The following HIKESHI variants were observed in gnomAD, a reference collection of about 807,000 sequenced individuals.
HIKESHI encodes the protein heat shock protein nuclear import factor hikeshi, also known as protein Hikeshi.
HIKESHI carries 13 observed loss-of-function variants against 25.7 expected under a neutral mutation model. That is an observed-to-expected ratio of 0.51 (90% confidence interval 0.33 to 0.80). HIKESHI has a LOEUF of 0.80. Among genes scored for constraint, HIKESHI ranks in the 30% least tolerant of loss-of-function variants. The pLI is 0.02. For missense variants in HIKESHI, 174 were observed against 229.5 expected (o/e 0.76, Z 1.56); for synonymous variants, 76 against 78.7 (o/e 0.97, Z 0.18).
At chr11:86,314,465 A>G (rs1946920034) in intron 2 of HIKESHI, among the ~76,000 whole-genome samples, 2 of 152,116 alleles carry the variant, frequency 1.3e-5, no homozygotes, top group Non-Finnish European at 1.5e-5. Flanking sequence ...AATACAAAAA[A>G]TTAGCCAGGC....
At chr11:86,325,802 G>A (rs2138366421) in intron 2 of HIKESHI, among the ~76,000 whole-genome samples, 1 of 152,144 alleles carries the variant, frequency 6.6e-6, no homozygotes, top group South Asian at 2.1e-4. Flanking sequence ...AACCCGGGAG[G>A]CGGAGGTTGC....
intron 4 of HIKESHI, chr11:86,344,961 T>C: frequency 3.7e-6 from 2 of 540,714 alleles, no homozygotes; most frequent in Non-Finnish European, 3.0e-6. Context: ...GCCTATGTTT[T>C]AGGGACCACT....
At chr11:86,306,615 TA>T (rs966662820) in intron 2 of HIKESHI, 133 bp downstream of exon 2, 22 of 590,748 alleles carry the variant, frequency 3.7e-5, no homozygotes, top group African/African-American at 3.4e-4. Flanking sequence ...CATTGTTTTT[TA>T]AAAAAGACAA....
intron 3 of HIKESHI, among the ~76,000 whole-genome samples, chr11:86,338,402 C>T (rs1947626441): frequency 1.4e-5 from 2 of 142,910 alleles, no homozygotes; most frequent in South Asian, 2.1e-4. Context: ...TGGAGGTGTT[C>T]ACTTTAGACA....
chr11:86,310,860 A>G (rs1946815992), intron 2 of HIKESHI, among the ~76,000 whole-genome samples: 1 of 152,210 alleles, frequency 6.6e-6, no homozygotes, highest in African/African-American at 2.4e-5. Context: ...ATGATGGATT[A>G]CATTTATTGA....
At chr11:86,310,195 T>C (rs1426022900) in intron 2 of HIKESHI, among the ~76,000 whole-genome samples, 1 of 148,094 alleles carries the variant, frequency 6.8e-6, no homozygotes, top group Non-Finnish European at 1.5e-5. Context: ...GTCCTATCCA[T>C]GAGCATGGAA....
intron 2 of HIKESHI, among the ~76,000 whole-genome samples, chr11:86,332,703 CT>C (rs1306970032): frequency 2.0e-5 from 3 of 152,176 alleles, no homozygotes; most frequent in Non-Finnish European, 4.4e-5. Context: ...AGTTGGCAAA[CT>C]TTTTTGTGAA....
At chr11:86,337,728 GCTGA>G (rs1947608992) in intron 3 of HIKESHI, among the ~76,000 whole-genome samples, 198 bp downstream of exon 3, 1 of 152,174 alleles carries the variant, frequency 6.6e-6, no homozygotes, top group Non-Finnish European at 1.5e-5. Flanking sequence ...CGCAATCTCG[GCTGA>G]CTGCAATTTC....
chr11:86,336,611 G>A (rs769323440), intron 2 of HIKESHI, among the ~76,000 whole-genome samples: 4 of 152,084 alleles, frequency 2.6e-5, no homozygotes, highest in South Asian at 2.1e-4. Flanking sequence ...ATAAATTTCC[G>A]ATGTTTATAA....
At chr11:86,326,529 T>C (rs1479239014) in intron 2 of HIKESHI, 1 of 456,234 alleles carries the variant, frequency 2.2e-6, no homozygotes, top group Non-Finnish European at 4.4e-6. Context: ...ATTGAACATC[T>C]ACTTGCTGCC....
intron 2 of HIKESHI, among the ~76,000 whole-genome samples, chr11:86,327,741 G>A (rs1422793801): frequency 6.6e-6 from 1 of 152,262 alleles, no homozygotes; most frequent in East Asian, 1.9e-4. Context: ...TGGCAATACT[G>A]TACTTTAATT....
intron 2 of HIKESHI, among the ~76,000 whole-genome samples, chr11:86,335,489 G>A (rs183536476): frequency 1.4e-4 from 21 of 152,214 alleles, no homozygotes; most frequent in Middle Eastern, 3.4e-3. Context: ...GGAAAGACCC[G>A]CGAAGACCCA....
At chr11:86,302,587 T>C in intron 1 of HIKESHI, 109 bp downstream of exon 1, 2 of 1,311,836 alleles carry the variant, frequency 1.5e-6, no homozygotes, top group Non-Finnish European at 1.1e-6. Context: ...CCACTTATTA[T>C]ATTTTGGGTG....
At chr11:86,309,926 C>G (rs1946788353) in intron 2 of HIKESHI, among the ~76,000 whole-genome samples, 2 of 151,800 alleles carry the variant, frequency 1.3e-5, no homozygotes, top group African/African-American at 4.8e-5. Flanking sequence ...TTCCATTGGT[C>G]TATATCTCTG....
At chr11:86,303,346 T>C in intron 1 of HIKESHI, 1 of 907,944 alleles carries the variant, frequency 1.1e-6, no homozygotes, top group Non-Finnish European at 1.3e-6. Context: ...TTGTATTCTG[T>C]ACATATACAG....
chr11:86,322,441 A>ATG (rs978968877), intron 2 of HIKESHI, among the ~76,000 whole-genome samples: 34 of 151,632 alleles, frequency 2.2e-4, no homozygotes, highest in African/African-American at 4.3e-4. Flanking sequence ...GTATATGTAT[A>ATG]TGTGTGTGTG....
intron 3 of HIKESHI, among the ~76,000 whole-genome samples, chr11:86,338,188 A>G: frequency 6.6e-6 from 1 of 151,506 alleles, no homozygotes; most frequent in Non-Finnish European, 1.5e-5. Context: ...CTTCCCCTCC[A>G]CTCTTCAACC....
chr11:86,337,276 C>T, intron 2 of HIKESHI, 103 bp from the exon 3 acceptor site: 1 of 1,132,966 alleles, frequency 8.8e-7, no homozygotes, highest in Non-Finnish European at 1.2e-6. Context: ...GGACATAAAA[C>T]TTTTTCATGT....
rs368971339 is a variant in HIKESHI, at chr11:86,302,243, G to A, written c.-206G>A. 2 of 598,262 alleles carry A rather than the reference G, an allele frequency of 3.3e-6. No individual in the cohort carries two copies. The allele number at this position is 598,262 out of a possible 1,614,324, so 37.1% of individuals were successfully genotyped here. Reference sequence around the variant, plus strand: ...GGTGTAAGCCCCGGAAGTACTTGTTGCCTGAGCAGTGGGCTGCTTAGGAAG... The same window carrying A: ...GGTGTAAGCCCCGGAAGTACTTGTTACCTGAGCAGTGGGCTGCTTAGGAAG... On this transcript the variant is annotated 5_prime_UTR_variant, in exon 1 of 5. Coordinates refer to ENST00000278483, the MANE Select transcript of HIKESHI (RefSeq NM_016401.4).
Sources: allele counts gnomAD v4.1 joint callset (sites outside exome capture counted in the v4.1 genomes callset), GRCh38; gene constraint gnomAD v4.1.1; transcripts MANE v1.5; gene names NCBI Gene and HGNC (gene_info 2026-07-23, HGNC 2026-07-21).